The following EDIL3 variants were observed in gnomAD, a reference collection of about 807,000 sequenced individuals.
The protein encoded by EDIL3 is EGF like and discoidin domains 3, also known as EGF-like repeat and discoidin I-like domain-containing protein 3.
Under a neutral mutation model 67.4 loss-of-function variants are expected in EDIL3, and 37 were observed. That is an observed-to-expected ratio of 0.55 (90% CI 0.42 to 0.72). The LOEUF (loss-of-function observed/expected upper bound fraction) is 0.72, where lower values mean the gene tolerates loss of function less well. EDIL3 is among the 30% of genes least tolerant of loss of function. EDIL3 has a pLI of 0.00. For missense variants in EDIL3, 527 were observed against 586.3 expected (o/e 0.90, Z 1.04); for synonymous variants, 195 against 196.3 (o/e 0.99, Z 0.05).
At chr5:83,971,734 G>C (rs1453575932) in intron 9 of EDIL3, among the ~76,000 whole-genome samples, 1 of 151,782 alleles carries the variant, frequency 6.6e-6, no homozygotes, top group Non-Finnish European at 1.5e-5. Flanking sequence ...TTTGTCACAT[G>C]CCAGTCATAT....
chr5:84,359,541 A>G (rs1467929594), intron 1 of EDIL3, among the ~76,000 whole-genome samples: 1 of 152,222 alleles, frequency 6.6e-6, no homozygotes, highest in Non-Finnish European at 1.5e-5. Flanking sequence ...ATTGAAAATA[A>G]ATTTGCCTTC....
At chr5:84,282,657 A>G (rs561487529) in intron 1 of EDIL3, among the ~76,000 whole-genome samples, 1 of 152,342 alleles carries the variant, frequency 6.6e-6, no homozygotes, top group Non-Finnish European at 1.5e-5. Context: ...TGTATTTACT[A>G]AACTATTCTC....
At chr5:84,181,632 A>C (rs1387885052) in intron 3 of EDIL3, among the ~76,000 whole-genome samples, 1 of 152,108 alleles carries the variant, frequency 6.6e-6, no homozygotes, top group Admixed American at 6.6e-5. Context: ...ATTCCCCCCA[A>C]AAATCTTTTA....
At chr5:84,322,202 C>T (rs1362010235) in intron 1 of EDIL3, among the ~76,000 whole-genome samples, 3 of 149,798 alleles carry the variant, frequency 2.0e-5, no homozygotes, top group African/African-American at 7.4e-5. Context: ...AAAGTATGAC[C>T]CACTCAAAAA....
chr5:84,045,186 A>G (rs1746199884), intron 9 of EDIL3, among the ~76,000 whole-genome samples: 1 of 152,190 alleles, frequency 6.6e-6, no homozygotes, highest in African/African-American at 2.4e-5. Context: ...AACTGCCCCC[A>G]TGATTTAATT....
At chr5:84,191,775 T>C (rs187330155) in intron 3 of EDIL3, among the ~76,000 whole-genome samples, 14 of 152,190 alleles carry the variant, frequency 9.2e-5, no homozygotes, top group Admixed American at 9.2e-4. Context: ...CAGTTAACTT[T>C]GTTTTCATTT....
chr5:84,204,738 T>C (rs1743921493), intron 3 of EDIL3, among the ~76,000 whole-genome samples: 1 of 151,394 alleles, frequency 6.6e-6, no homozygotes, highest in Non-Finnish European at 1.5e-5. Context: ...CTCAAAATAG[T>C]TCTTAAAATT....
intron 6 of EDIL3, among the ~76,000 whole-genome samples, chr5:84,100,874 T>G (rs1171093398): frequency 2.0e-5 from 3 of 152,090 alleles, no homozygotes; most frequent in African/African-American, 7.2e-5. Flanking sequence ...TGTTATGCTA[T>G]TCCATTTAAA....
In EDIL3 at chr5:83,943,207, G is replaced by A; in HGVS notation, c.*212C>T. 1 of 553,418 alleles carries A rather than the reference G, an allele frequency of 1.8e-6. No individual in the cohort carries two copies. Among genetic ancestry groups the A allele is most frequent in the Non-Finnish European group, 3.1e-6 (1 of 320,906 alleles). The allele number at this position is 553,418 out of a possible 1,614,324, so 34.3% of individuals were successfully genotyped here. A position where few individuals can be genotyped will look rare whatever the true frequency, so the allele number is the denominator to read the frequency against. ...TCACACTTAATGTGTTGTTACTTAAGAGATTTGACGGATAAAATAAAATCA... is the reference window on the plus strand; with the variant it reads ...TCACACTTAATGTGTTGTTACTTAAAAGATTTGACGGATAAAATAAAATCA... On this transcript the variant is annotated 3_prime_UTR_variant, in exon 11 of 11. Transcript: ENST00000296591.
At chr5:84,263,381 G>T (rs150847058) in intron 1 of EDIL3, among the ~76,000 whole-genome samples, 20 of 152,328 alleles carry the variant, frequency 1.3e-4, no homozygotes, top group Middle Eastern at 3.4e-3. Flanking sequence ...ACATCCACAG[G>T]AGTGGTAGGC....
Position 83,989,346 on chromosome 5 carries a change from T to C in EDIL3, c.1138-25986A>G, listed in dbSNP as rs115818907. Reference sequence around the variant, plus strand: ...CCCCCATGAGCTAAGGCTACTTCTCTTCCCAATGTCCAAATGTGAGGCTTT... The same window carrying C: ...CCCCCATGAGCTAAGGCTACTTCTCCTCCCAATGTCCAAATGTGAGGCTTT... On this transcript the variant is annotated intron_variant, in intron 9 of 10. Coordinates refer to ENST00000296591, the MANE Select transcript of EDIL3 (RefSeq NM_005711.5). Among the ~76,000 whole-genome samples the C allele has an allele frequency of 1.9e-3, 286 of 152,302 alleles. 2 individuals are homozygous for C. The highest frequency in any genetic ancestry group is 6.5e-3 in the African/African-American group (269 of 41,582).
chr5:84,173,799 C>T (rs762779261), intron 4 of EDIL3, among the ~76,000 whole-genome samples: 7 of 152,122 alleles, frequency 4.6e-5, no homozygotes, highest in Admixed American at 4.6e-4. Flanking sequence ...GGGAGATGTC[C>T]CCACGTGGCC....
At chr5:84,353,714 C>T (rs767918365) in intron 1 of EDIL3, among the ~76,000 whole-genome samples, 1 of 152,192 alleles carries the variant, frequency 6.6e-6, no homozygotes, top group Non-Finnish European at 1.5e-5. Flanking sequence ...TCTGACAGCA[C>T]ATACCTACAG....
At chr5:84,017,705 G>A (rs1745632421) in intron 9 of EDIL3, among the ~76,000 whole-genome samples, 1 of 152,106 alleles carries the variant, frequency 6.6e-6, no homozygotes, top group African/African-American at 2.4e-5. Context: ...CACCCATTGG[G>A]CAATATGACA....
At chr5:84,160,507 A>T (rs556459598) in intron 4 of EDIL3, among the ~76,000 whole-genome samples, 1 of 152,240 alleles carries the variant, frequency 6.6e-6, no homozygotes, top group African/African-American at 2.4e-5. Context: ...AATATTAACG[A>T]CATTAAAACA....
At chr5:84,330,931 C>A (rs953831625) in intron 1 of EDIL3, among the ~76,000 whole-genome samples, 1 of 152,134 alleles carries the variant, frequency 6.6e-6, no homozygotes, top group Non-Finnish European at 1.5e-5. Context: ...TGCCCAAGGC[C>A]GTGAGACCTT....
chr5:84,384,236 C>T, intron 1 of EDIL3, 72 bp downstream of exon 1: 2 of 1,536,208 alleles, frequency 1.3e-6, no homozygotes, highest in South Asian at 1.2e-5. Context: ...CCGCCTCCGG[C>T]CCCCTGCGCG....
At chr5:84,191,459 G>C (rs1194944174) in intron 3 of EDIL3, among the ~76,000 whole-genome samples, 1 of 152,054 alleles carries the variant, frequency 6.6e-6, no homozygotes, top group South Asian at 2.1e-4. Flanking sequence ...GCAAGTTACT[G>C]TTTAGATTGC....
At chr5:84,034,259 T>C (rs1236092626) in intron 9 of EDIL3, among the ~76,000 whole-genome samples, 4 of 152,174 alleles carry the variant, frequency 2.6e-5, no homozygotes, top group African/African-American at 9.7e-5. Context: ...TTAGATGCAA[T>C]CATTTCATTG....
Sources: gnomAD v4.1 joint callset for allele counts (sites outside exome capture counted in the v4.1 genomes callset) on GRCh38, gnomAD v4.1.1 for gene constraint, MANE v1.5 for transcripts, NCBI Gene and HGNC (gene_info 2026-07-23, HGNC 2026-07-21) for gene names.